IPP: variants seen among roughly 807,000 people sequenced by gnomAD.
IPP encodes actin-binding protein IPP.
IPP carries 41 observed loss-of-function variants against 64.1 expected under a neutral mutation model. That is an observed-to-expected ratio of 0.64 (90% confidence interval 0.50 to 0.83). The LOEUF (loss-of-function observed/expected upper bound fraction) is 0.83, where lower values mean the gene tolerates loss of function less well. Ranked by LOEUF, IPP falls within the 40% of genes least tolerant of loss-of-function variation. The probability of loss-of-function intolerance (pLI) is 0.00; values close to 1 mark genes in which losing one functional copy is unlikely to be tolerated. For synonymous variants in IPP, 214 were observed against 235.2 expected, an observed-to-expected ratio of 0.91 and a Z score of 0.83; for missense variants, 649 against 703.0, an observed-to-expected ratio of 0.92 and a Z score of 0.87.
At chr1:45,722,613 TAAC>T in intron 5 of IPP, among the ~76,000 whole-genome samples, 1 of 152,022 alleles carries the variant, frequency 6.6e-6, no homozygotes, top group Admixed American at 6.6e-5. Flanking sequence ...AAAAAGTTAA[TAAC>T]AATATATATC....
In IPP at chr1:45,727,773, AC is replaced by A; in HGVS notation, c.905del (p.Gly302ValfsTer12). 9 of 1,565,016 alleles carry A rather than the reference AC, an allele frequency of 5.8e-6. No homozygotes were observed. The highest frequency in any genetic ancestry group is 2.4e-5 in the South Asian group (2 of 84,394). On this transcript the variant is annotated frameshift_variant, in exon 5 of 9. Coordinates refer to ENST00000396478, the MANE Select transcript of IPP (RefSeq NM_005897.3). LOFTEE classifies it high-confidence loss of function. ...AVGGYTRLQG[G>X]RWSDSRALSC... ...TGAGGGCTCTGCTATCACTCCAGCG[AC>A]CCCCCTGCAACCGAGTATATCCACC...
At chr1:45,726,660 CATT>C (rs1211224958) in intron 5 of IPP, among the ~76,000 whole-genome samples, 2 of 151,420 alleles carry the variant, frequency 1.3e-5, no homozygotes, top group African/African-American at 2.4e-5. Flanking sequence ...TTAAATGAAT[CATT>C]ATGCAGCTTT....
chr1:45,737,149 T>C (rs1645993287), intron 3 of IPP, among the ~76,000 whole-genome samples: 1 of 152,074 alleles, frequency 6.6e-6, no homozygotes, highest in South Asian at 2.1e-4. Context: ...CTGTGTCTGC[T>C]ACACTTGGAA....
intron 4 of IPP, 51 bp downstream of exon 4, chr1:45,729,563 T>C: frequency 2.1e-6 from 3 of 1,403,054 alleles, no homozygotes; most frequent in Non-Finnish European, 3.0e-6. Context: ...TAAAAAGGTT[T>C]GATCTGGAAC....
Position 45,706,584 on chromosome 1 carries a change from G to C in IPP, c.1531-6394C>G, listed in dbSNP as rs368162828. Among the ~76,000 whole-genome samples the C allele has an allele frequency of 8.5e-5, 13 of 152,140 alleles. No individual in the cohort carries two copies. The East Asian group carries it at 1.5e-3, about 18-fold the overall frequency. ...CCTCCCTCAGCCCCCCAAGTAGCTG[G>C]GATTACAGGCATGCACCAACCTGCC... On this transcript the variant is annotated intron_variant, in intron 8 of 8. Coordinates refer to ENST00000396478, the MANE Select transcript of IPP (RefSeq NM_005897.3).
intron 8 of IPP, among the ~76,000 whole-genome samples, chr1:45,713,850 C>T (rs1041819478): frequency 5.3e-5 from 8 of 152,128 alleles, no homozygotes; most frequent in Admixed American, 4.6e-4. Flanking sequence ...TGGGCCACCA[C>T]GCCTAGCAGT....
chr1:45,725,934 CAGGG>C, intron 5 of IPP, among the ~76,000 whole-genome samples: 2 of 128,642 alleles, frequency 1.6e-5, no homozygotes, highest in East Asian at 4.2e-4. Flanking sequence ...CTCAAGTACC[CAGGG>C]ACACAAACAC....
intron 3 of IPP, among the ~76,000 whole-genome samples, chr1:45,735,100 T>G (rs1389071873): frequency 1.3e-5 from 2 of 151,244 alleles, no homozygotes; most frequent in African/African-American, 4.9e-5. Flanking sequence ...TGCTTTTATT[T>G]TGAGATGGAG....
At chr1:45,743,251 T>A (rs1646090795) in intron 2 of IPP, among the ~76,000 whole-genome samples, 1 of 151,422 alleles carries the variant, frequency 6.6e-6, no homozygotes, top group Non-Finnish European at 1.5e-5. Context: ...TTTTTTTTTT[T>A]TTCTGAGACA....
Position 45,719,281 on chromosome 1 carries a change from A to G in IPP, c.1108T>C (p.Trp370Arg). 1 of 1,613,114 alleles carries G rather than the reference A, an allele frequency of 6.2e-7. No homozygotes were observed. Among genetic ancestry groups the G allele is most frequent in the Non-Finnish European group, 8.5e-7 (1 of 1,179,250 alleles). The change falls in exon 6 of 9, where the codon TGG (tryptophan) becomes CGG (arginine). Residue 370 changes from tryptophan to arginine, a missense_variant. Coordinates refer to ENST00000396478, the MANE Select transcript of IPP (RefSeq NM_005897.3). ...TGATTCATCGAAGCTACAGTTGTCC[A>G]CTGTTTAGTAACTGGATCATAGCAT... is the stretch of plus-strand genomic sequence containing the variant. ...TECYDPVTKQ[W>R]TTVASMNHPR...
At chr1:45,731,773 A>G (rs2148572943) in intron 3 of IPP, among the ~76,000 whole-genome samples, 1 of 151,976 alleles carries the variant, frequency 6.6e-6, no homozygotes, top group East Asian at 2.0e-4. Flanking sequence ...TATCTCTACT[A>G]AAAAATACAA....
chr1:45,724,231 G>A (rs1041018934), intron 5 of IPP, among the ~76,000 whole-genome samples: 14 of 152,220 alleles, frequency 9.2e-5, no homozygotes, highest in African/African-American at 3.4e-4. Context: ...TGATCCGCCA[G>A]CCTTCGCCTC....
chr1:45,711,825 TAAG>T (rs1645594963), intron 8 of IPP, among the ~76,000 whole-genome samples: 1 of 151,924 alleles, frequency 6.6e-6, no homozygotes, highest in Non-Finnish European at 1.5e-5. Flanking sequence ...ATCCATTCAT[TAAG>T]AAGACATAAT....
chr1:45,706,145 C>G (rs1645509885), intron 8 of IPP, among the ~76,000 whole-genome samples: 1 of 152,108 alleles, frequency 6.6e-6, no homozygotes, highest in Non-Finnish European at 1.5e-5. Context: ...CTAGAGCTCA[C>G]ACAAGGCTAT....
At chr1:45,728,587 T>G (rs565128918) in intron 4 of IPP, among the ~76,000 whole-genome samples, 22 of 152,084 alleles carry the variant, frequency 1.4e-4, no homozygotes, top group African/African-American at 5.3e-4. Context: ...CTCTGCCTCC[T>G]GGGCTCAAGT....
chr1:45,733,051 T>C (rs1305565811), intron 3 of IPP, among the ~76,000 whole-genome samples: 4 of 151,976 alleles, frequency 2.6e-5, no homozygotes, highest in African/African-American at 7.3e-5. Context: ...AGAAAAGATA[T>C]ATGGCAGTCT....
intron 3 of IPP, among the ~76,000 whole-genome samples, chr1:45,733,653 G>A (rs1014246199): frequency 3.3e-5 from 5 of 151,758 alleles, no homozygotes; most frequent in Non-Finnish European, 7.4e-5. Context: ...CCAATATGGC[G>A]AAACCCCGTC....
At chr1:45,701,037 A>G (rs11211169) in intron 8 of IPP, among the ~76,000 whole-genome samples, 43,138 of 152,184 alleles carry the variant, frequency 0.28, 6,245 homozygotes, top group South Asian at 0.37. Context: ...AGGTGGGCTA[A>G]CCAGGGGTTG....
intron 3 of IPP, among the ~76,000 whole-genome samples, chr1:45,738,839 C>CAAAAAAAAAAAAA (rs752168393): frequency 6.5e-4 from 5 of 7,658 alleles, no homozygotes; most frequent in East Asian, 2.4e-3. Context: ...GACTCCATCT[C>CAAAAAAAAAAAAA]AAAAAAAAAA....
Sources: gnomAD v4.1 joint callset for allele counts (sites outside exome capture counted in the v4.1 genomes callset) on GRCh38, gnomAD v4.1.1 for gene constraint, MANE v1.5 for transcripts, NCBI Gene and HGNC (gene_info 2026-07-23, HGNC 2026-07-21) for gene names.